The following GID4 variants were observed in gnomAD, a reference collection of about 807,000 sequenced individuals.
GID4 encodes glucose-induced degradation protein 4 homolog.
In GID4, 7 loss-of-function variants were observed where a neutral mutation model predicts 32.4. That is an observed-to-expected ratio of 0.22 (90% CI 0.12 to 0.41). GID4 has a LOEUF of 0.41. GID4 is among the 10% of genes least tolerant of loss of function. The pLI is 1.00. For missense variants in GID4, 309 were observed against 400.0 expected (o/e 0.77, Z 1.94); for synonymous variants, 166 against 170.0 (o/e 0.98, Z 0.18).
intron 5 of GID4, among the ~76,000 whole-genome samples, chr17:18,063,749 A>G: frequency 6.6e-6 from 1 of 152,088 alleles, no homozygotes; most frequent in East Asian, 1.9e-4. Flanking sequence ...GGTATATACA[A>G]CTTTTTTTTT....
At chr17:18,063,896 C>A (rs560558806) in intron 5 of GID4, among the ~76,000 whole-genome samples, 73 of 152,258 alleles carry the variant, frequency 4.8e-4, no homozygotes, top group African/African-American at 1.8e-3. Flanking sequence ...GCGCCTGCCA[C>A]CACGTCTGGC....
chr17:18,059,839 A>C (rs2045002868), intron 4 of GID4, among the ~76,000 whole-genome samples: 1 of 150,576 alleles, frequency 6.6e-6, no homozygotes, highest in South Asian at 2.1e-4. Flanking sequence ...TAATCCCAGC[A>C]CTTTGGGAGG....
rs765753088 is a variant in GID4 at position 18,045,157 on chromosome 17, C to T, written c.449C>T (p.Thr150Met). 40 of 1,612,766 alleles carry T rather than the reference C, an allele frequency of 2.5e-5. No homozygotes were observed. Among genetic ancestry groups the T allele is most frequent in the South Asian group, 8.8e-5 (8 of 91,058 alleles). Residue 150 changes from threonine to methionine, a missense_variant, in exon 2 of 6, where the codon ACG becomes ATG. Thr to Met is a moderately conservative substitution (Grantham distance 81, BLOSUM62 -1). This residue lies in a region of GID4 where 116 missense variants were observed against 214.2 expected (regional missense o/e 0.54). Transcript: ENST00000268719. ...DVEVVLQHVD[T>M]GNSYLCGYLK... The stretch of plus-strand genomic sequence containing the variant: ...ATCCTTTCTTTTCAGCACGTGGACA[C>T]GGGGAACTCTTACCTTTGTGGGTAC...
rs189935003 is a variant in GID4 at position 18,064,033 on chromosome 17, G to A, written c.840-1147G>A. 8.1e-4 allele frequency among the ~76,000 whole-genome samples: 123 copies of A among 152,314 alleles called. 2 individuals carry two copies. The East Asian group carries it at 0.02, about 25-fold the overall frequency. On this transcript the variant is annotated intron_variant, in intron 5 of 5. Coordinates refer to ENST00000268719, the MANE Select transcript of GID4 (RefSeq NM_024052.5). ...GCTGGGATTATAGGTGTGAGCCACCGTGCCCGGCCGGTATATACCACATTT... is the reference window on the plus strand; with the variant it reads ...GCTGGGATTATAGGTGTGAGCCACCATGCCCGGCCGGTATATACCACATTT...
chr17:18,054,265 T>C lies in GID4; in HGVS notation c.606+31T>C, dbSNP rs146833891. On this transcript the variant is annotated intron_variant, in intron 3 of 5. Coordinates refer to ENST00000268719, the MANE Select transcript of GID4 (RefSeq NM_024052.5). ...TAAATCTGATCTGTGCTGGGTCATC[T>C]AGGGGCTGCTAGAGAATTGAAGAAA... is the stretch of plus-strand genomic sequence containing the variant. 1.1e-4 allele frequency: 142 copies of C among 1,294,352 alleles called. No homozygotes were observed. In the African/African-American group the frequency reaches 1.9e-3, roughly 17 times the overall value. The allele number at this position is 1,294,352 out of a possible 1,614,324, so 80.2% of individuals were successfully genotyped here.
chr17:18,048,612 C>T (rs897085733), intron 2 of GID4, among the ~76,000 whole-genome samples: 1 of 151,830 alleles, frequency 6.6e-6, no homozygotes, highest in Non-Finnish European at 1.5e-5. Context: ...TTTTCTTTTC[C>T]ATTTATGTTT....
At chr17:18,058,161 T>G (rs1402995520) in intron 3 of GID4, among the ~76,000 whole-genome samples, 2 of 152,226 alleles carry the variant, frequency 1.3e-5, no homozygotes, top group Non-Finnish European at 2.9e-5. Flanking sequence ...TCTTGATATT[T>G]TTCCCTGAAC....
At chr17:18,048,083 A>G (rs2044872499) in intron 2 of GID4, among the ~76,000 whole-genome samples, 1 of 150,302 alleles carries the variant, frequency 6.7e-6, no homozygotes, top group African/African-American at 2.5e-5. Flanking sequence ...TTGTATTTTT[A>G]GTAGAGATGG....
intron 3 of GID4, among the ~76,000 whole-genome samples, chr17:18,055,016 A>C (rs1307170753): frequency 6.6e-6 from 1 of 152,008 alleles, no homozygotes; most frequent in Non-Finnish European, 1.5e-5. Flanking sequence ...CCAAAAATAC[A>C]AAAAATTAGC....
chr17:18,049,515 C>T (rs972144317), intron 2 of GID4, among the ~76,000 whole-genome samples: 1 of 152,010 alleles, frequency 6.6e-6, no homozygotes, highest in Non-Finnish European at 1.5e-5. Context: ...CACGGTTTAC[C>T]TATGTAACTG....
At chr17:18,058,787 T>C in intron 3 of GID4, 81 bp from the exon 4 acceptor site, 2 of 889,594 alleles carry the variant, frequency 2.2e-6, no homozygotes, top group South Asian at 2.8e-5. Flanking sequence ...GAAGGTGAGT[T>C]TACCTGGGCA....
intron 5 of GID4, 105 bp downstream of exon 5, chr17:18,062,080 G>A: frequency 9.1e-7 from 1 of 1,103,924 alleles, no homozygotes; most frequent in East Asian, 2.4e-5. Context: ...TCTCTGTATA[G>A]ATTCTGTGCT....
chr17:18,048,683 C>A (rs1371315600), intron 2 of GID4, among the ~76,000 whole-genome samples: 1 of 151,734 alleles, frequency 6.6e-6, no homozygotes, highest in African/African-American at 2.4e-5. Context: ...TGCTCTGTCA[C>A]CCGGGCTGGA....
Position 18,058,908 on chromosome 17 carries a change from A to C in GID4, c.647A>C (p.Asn216Thr). 6.2e-7 allele frequency: 1 copy of C among 1,613,414 alleles called. No individual in the cohort carries two copies. Residue 216 changes from asparagine to threonine, a missense_variant, in exon 4 of 6, where the codon AAC (asparagine) becomes ACC (threonine). Coordinates refer to ENST00000268719, the MANE Select transcript of GID4 (RefSeq NM_024052.5). ...TTTTATCAGTATGCAAAATCATTTA[A>C]CTCAGATGACTTTGATTATGAAGAG... ...LAFYQYAKSF[N>T]SDDFDYEELK...
At chr17:18,063,361 G>A (rs992442092) in intron 5 of GID4, among the ~76,000 whole-genome samples, 2 of 152,022 alleles carry the variant, frequency 1.3e-5, no homozygotes, top group Non-Finnish European at 2.9e-5. Flanking sequence ...GGTGGGCCGA[G>A]ATTGCACCAC....
Position 18,065,356 on chromosome 17 carries a change from C to T in GID4, c.*113C>T, listed in dbSNP as rs537654439. 1,144 of 787,062 alleles carry T rather than the reference C, an allele frequency of 1.5e-3. 1 individual carries two copies. The highest frequency in any genetic ancestry group is 2.0e-3 in the Non-Finnish European group (924 of 456,962). The allele number at this position is 787,062 out of a possible 1,614,324, so 48.8% of individuals were successfully genotyped here. Reference sequence around the variant, plus strand: ...AAGTGTGTTCCTGTTTCTTCACGAGCAGACTCGCATCACAAAGCATGAATG... The same window carrying T: ...AAGTGTGTTCCTGTTTCTTCACGAGTAGACTCGCATCACAAAGCATGAATG... On this transcript the variant is annotated 3_prime_UTR_variant, in exon 6 of 6. Coordinates refer to ENST00000268719, the MANE Select transcript of GID4 (RefSeq NM_024052.5).
Position 18,045,278 on chromosome 17 carries a change from G to A in GID4, c.498+72G>A, listed in dbSNP as rs1273907268. 1.1e-5 allele frequency: 14 copies of A among 1,226,528 alleles called. No homozygotes were observed. The East Asian group carries it at 3.0e-4, about 26-fold the overall frequency. The allele number at this position is 1,226,528 out of a possible 1,614,324, so 76.0% of individuals were successfully genotyped here. On this transcript the variant is annotated intron_variant, in intron 2 of 5. Transcript: ENST00000268719. ...CTCCACAGGCTCATTGGGGTTCAGGGCAGGCGGTCTCAACTCCTTGAGGCC... is the reference window on the plus strand; with the variant it reads ...CTCCACAGGCTCATTGGGGTTCAGGACAGGCGGTCTCAACTCCTTGAGGCC...
intron 2 of GID4, among the ~76,000 whole-genome samples, chr17:18,049,386 A>T (rs374455494): frequency 6.6e-6 from 1 of 151,596 alleles, no homozygotes; most frequent in East Asian, 1.9e-4. Context: ...AAAGGAGCTA[A>T]ATGGCCTCTT....
chr17:18,055,207 T>C (rs2044954442), intron 3 of GID4, among the ~76,000 whole-genome samples: 1 of 151,720 alleles, frequency 6.6e-6, no homozygotes, highest in Non-Finnish European at 1.5e-5. Context: ...CTCAACCTAA[T>C]AGCCTTTTGC....
Sources: gnomAD v4.1 joint callset for allele counts (sites outside exome capture counted in the v4.1 genomes callset) on GRCh38, gnomAD v4.1.1 for gene constraint, gnomAD v4.1.1 regional missense constraint, MANE v1.5 for transcripts, NCBI Gene and HGNC (gene_info 2026-07-23, HGNC 2026-07-21) for gene names.